The following COG4 variants were observed in gnomAD, a reference collection of about 807,000 sequenced individuals.
The protein encoded by COG4 is conserved oligomeric Golgi complex subunit 4.
A neutral mutation model predicts 95.1 loss-of-function variants in COG4; 65 were observed. The ratio of observed to expected loss-of-function variants is 0.68; its 90% CI spans 0.56 to 0.84. The LOEUF is 0.84. Among genes scored for constraint, COG4 ranks in the 40% least tolerant of loss-of-function variants. The probability of loss-of-function intolerance (pLI) is 0.00; values close to 1 mark genes in which losing one functional copy is unlikely to be tolerated. For synonymous variants in COG4, 421 were observed against 374.8 expected (o/e 1.12, Z -1.42); for missense variants, 1,045 against 989.1 (o/e 1.06, Z -0.76).
At chr16:70,510,356 G>A (rs1379594669) in intron 5 of COG4, among the ~76,000 whole-genome samples, 1 of 152,216 alleles carries the variant, frequency 6.6e-6, no homozygotes, top group African/African-American at 2.4e-5. Flanking sequence ...AACTCACTCT[G>A]TTGCTCAGGC....
intron 8 of COG4, 50 bp from the exon 9 acceptor site, chr16:70,501,141 C>T (rs1428524879): frequency 1.2e-6 from 2 of 1,600,894 alleles, no homozygotes; most frequent in Non-Finnish European, 1.7e-6. Flanking sequence ...TTACCTTAGA[C>T]ACAAGAGCTA....
chr16:70,501,734 C>T (rs1294058049), intron 8 of COG4: 2 of 152,892 alleles, frequency 1.3e-5, no homozygotes, highest in African/African-American at 4.8e-5. Flanking sequence ...CTCACTGCAA[C>T]CTCCGCCTCT....
chr16:70,508,744 G>T, intron 7 of COG4: 1 of 616,868 alleles, frequency 1.6e-6, no homozygotes, highest in South Asian at 1.6e-5. Flanking sequence ...TGGAGTTCTA[G>T]AAATACAATT....
chr16:70,522,611 G>A (rs957259496), intron 1 of COG4, among the ~76,000 whole-genome samples: 1 of 152,202 alleles, frequency 6.6e-6, no homozygotes, highest in Non-Finnish European at 1.5e-5. Context: ...AACTTTGCTA[G>A]AAGTTTGGTC....
chr16:70,499,940 G>A (rs1395680079), intron 9 of COG4, among the ~76,000 whole-genome samples: 2 of 152,102 alleles, frequency 1.3e-5, no homozygotes, highest in African/African-American at 2.4e-5. Context: ...GATTACAGGC[G>A]TGAGCCACCG....
intron 9 of COG4, among the ~76,000 whole-genome samples, chr16:70,498,974 G>C (rs2049395018): frequency 6.6e-6 from 1 of 152,146 alleles, no homozygotes; most frequent in South Asian, 2.1e-4. Context: ...CAGCACTTTG[G>C]GAGGCCAAGG....
chr16:70,481,171 C>T, intron 18 of COG4, 27 bp from the exon 19 acceptor site: 2 of 1,613,164 alleles, frequency 1.2e-6, no homozygotes, highest in Non-Finnish European at 1.7e-6. Context: ...AGAGACCAGT[C>T]AGCAAGGTGG....
At chr16:70,497,581 G>A (rs750909076) in intron 10 of COG4, among the ~76,000 whole-genome samples, 194 bp from the exon 11 acceptor site, 2 of 152,086 alleles carry the variant, frequency 1.3e-5, no homozygotes, top group Non-Finnish European at 1.5e-5. Flanking sequence ...TAAATATTTC[G>A]GGCCTTAGCC....
At chr16:70,483,033 C>T (rs1165604176) in intron 14 of COG4, among the ~76,000 whole-genome samples, 5 of 112,196 alleles carry the variant, frequency 4.5e-5, no homozygotes, top group African/African-American at 1.7e-4. Flanking sequence ...TCTCCCCACC[C>T]CTTCCCTCTC....
At chr16:70,512,125 AG>A in intron 5 of COG4, 113 bp downstream of exon 5, 1 of 974,512 alleles carries the variant, frequency 1.0e-6, no homozygotes, top group South Asian at 1.4e-5. Context: ...AAGGGCAGGA[AG>A]GGGAGTCATA....
intron 9 of COG4, among the ~76,000 whole-genome samples, chr16:70,499,314 G>A (rs568841956): frequency 6.6e-6 from 1 of 152,286 alleles, no homozygotes; most frequent in South Asian, 2.1e-4. Context: ...GCTCTGAATA[G>A]TGATAGTCAT....
At chr16:70,501,771 C>T (rs778483511) in intron 8 of COG4, among the ~76,000 whole-genome samples, 13 of 152,026 alleles carry the variant, frequency 8.6e-5, no homozygotes, top group Non-Finnish European at 1.8e-4. Flanking sequence ...CATGCCTTGG[C>T]CACATGAGTA....
chr16:70,498,964 C>T (rs1435097910), intron 9 of COG4, among the ~76,000 whole-genome samples: 2 of 152,136 alleles, frequency 1.3e-5, no homozygotes, highest in African/African-American at 2.4e-5. Flanking sequence ...CCTGTAATCC[C>T]AGCACTTTGG....
At chr16:70,491,045 C>T (rs1162887060) in intron 12 of COG4, among the ~76,000 whole-genome samples, 2 of 152,118 alleles carry the variant, frequency 1.3e-5, no homozygotes, top group East Asian at 1.9e-4. Context: ...AGGCTCCAAA[C>T]GGTCAAGCCC....
chr16:70,495,586 T>A (rs1416220947), intron 12 of COG4, among the ~76,000 whole-genome samples: 1 of 152,072 alleles, frequency 6.6e-6, no homozygotes. Flanking sequence ...AGAATGGACC[T>A]CGGACTGTGC....
In COG4 at chr16:70,512,322, C is replaced by G. The variant is rs781086828; in HGVS notation, c.655G>C (p.Val219Leu). The change falls in exon 5 of 19, where the codon GTG becomes CTG. Residue 219 changes from valine (V) to leucine (L), a missense_variant. Physicochemically the swap from Val to Leu is conservative, Grantham distance 32. Coordinates refer to ENST00000323786, the MANE Select transcript of COG4 (RefSeq NM_015386.3). ...IATKEGDLPQ[V>L]ERFFKIFPLL... ...GGGAAGATCTTGAAGAAGCGCTCCA[C>G]CTGGGGCAGATCACCTTCCTTGGTG... The G allele has an allele frequency of 1.9e-5, 31 of 1,614,046 alleles. 1 individual carries two copies. The South Asian group carries it at 3.4e-4, about 18-fold the overall frequency.
At position 70,496,281 on chromosome 16, in the gene COG4, C is replaced by T. The variant is rs771255200; in HGVS notation, c.1632G>A (p.Ala544=). Residue 544 remains alanine, a synonymous_variant, in exon 12 of 19, where the codon GCG becomes GCA. Transcript: ENST00000323786. ...DTKGIESTDE[A]KMSFLVTLNN... is the part of the protein sequence containing the mutation. ...GGGTACCTACCAGGAAGGACATCTT[C>T]GCCTCGTCAGTACTCTCGATGCCTT... 1.5e-5 allele frequency: 24 copies of T among 1,614,056 alleles called. No individual in the cohort carries two copies. The Admixed American group carries it at 1.8e-4, about 12-fold the overall frequency.
At chr16:70,492,661 C>CAA (rs57112173) in intron 12 of COG4, among the ~76,000 whole-genome samples, 1 of 94,994 alleles carries the variant, frequency 1.1e-5, no homozygotes. Context: ...AACTCCGTCT[C>CAA]AAAAAAAAAA....
chr16:70,502,448 A>T, intron 8 of COG4, among the ~76,000 whole-genome samples: 1 of 150,730 alleles, frequency 6.6e-6, no homozygotes, highest in African/African-American at 2.4e-5. Context: ...CTAAAAATAC[A>T]AAATTAGCCA....
Sources: gnomAD v4.1 joint callset for allele counts (sites outside exome capture counted in the v4.1 genomes callset) on GRCh38, gnomAD v4.1.1 for gene constraint, MANE v1.5 for transcripts, NCBI Gene and HGNC (gene_info 2026-07-23, HGNC 2026-07-21) for gene names.